Variants in TASP1 observed in about 807,000 individuals in gnomAD.
TASP1 encodes taspase 1, also known as threonine aspartase 1.
TASP1 carries 16 observed loss-of-function variants against 56.6 expected under a neutral mutation model. That is an observed-to-expected ratio of 0.28 (90% confidence interval 0.19 to 0.43). The LOEUF is 0.43. Among genes scored for constraint, TASP1 ranks in the 20% least tolerant of loss-of-function variants. The pLI is 1.00. For missense variants in TASP1, 393 were observed against 511.6 expected (o/e 0.77, Z 2.24); for synonymous variants, 179 against 184.2 (o/e 0.97, Z 0.23).
chr20:13,272,755 C>G, the TASP1 span, among the ~76,000 whole-genome samples: 1 of 152,210 alleles, frequency 6.6e-6, no homozygotes. Flanking sequence ...CAATGGAACC[C>G]TTTGGAATAG....
the TASP1 span, among the ~76,000 whole-genome samples, chr20:13,307,330 A>G: frequency 6.6e-6 from 1 of 152,220 alleles, no homozygotes; most frequent in African/African-American, 2.4e-5. Flanking sequence ...CACACGTATC[A>G]TAAGTTCACG....
the TASP1 span, among the ~76,000 whole-genome samples, chr20:13,378,174 G>C: frequency 7.2e-5 from 11 of 151,958 alleles, no homozygotes; most frequent in African/African-American, 2.7e-4. Context: ...TTAGGGTGTC[G>C]ATTTTAGATC....
At chr20:13,169,166 A>C in the TASP1 span, 28 of 152,288 alleles carry the variant, frequency 1.8e-4, no homozygotes, top group Admixed American at 1.7e-3. Context: ...AGAGATTTGT[A>C]TTTAGGAATT....
chr20:13,281,187 A>G, the TASP1 span, among the ~76,000 whole-genome samples: 79 of 152,350 alleles, frequency 5.2e-4, no homozygotes, highest in South Asian at 0.013. Context: ...TACAAAAATG[A>G]GCAAGGCATA....
At chr20:13,557,786 G>A (rs1419807040) in intron 8 of TASP1, among the ~76,000 whole-genome samples, 1 of 151,424 alleles carries the variant, frequency 6.6e-6, no homozygotes, top group Non-Finnish European at 1.5e-5. Context: ...TGCCCATGAT[G>A]GTCTCAACTC....
At position 13,507,670 on chromosome 20, in the gene TASP1, A is replaced by G. The variant is rs2044181084; in HGVS notation, c.874+20763T>C. On this transcript the variant is annotated intron_variant, in intron 10 of 13. Coordinates refer to ENST00000337743, the MANE Select transcript of TASP1 (RefSeq NM_017714.3). ...CCATACTACCCAAAGTGATCCACAG[A>G]TTGAATGTAATCCTTATCAAAATTT... is the stretch of plus-strand genomic sequence containing the variant. Among the ~76,000 whole-genome samples, 2 of 152,242 alleles carry G rather than the reference A, an allele frequency of 1.3e-5. 1 individual carries two copies. The highest frequency in any genetic ancestry group is 4.1e-4 in the South Asian group (2 of 4,826).
the TASP1 span, among the ~76,000 whole-genome samples, chr20:13,185,472 C>A: frequency 6.6e-6 from 1 of 152,230 alleles, no homozygotes; most frequent in Non-Finnish European, 1.5e-5. Flanking sequence ...CTACCTCTTT[C>A]TCCTAGTTGA....
chr20:13,638,681 G>C (rs752702564), intron 1 of TASP1, among the ~76,000 whole-genome samples: 12 of 152,176 alleles, frequency 7.9e-5, no homozygotes, highest in Non-Finnish European at 1.6e-4. Context: ...GGCTGGGAAG[G>C]GGGACGACGG....
At position 13,415,225 on chromosome 20, in the gene TASP1, T is replaced by C. The variant is rs115144005; in HGVS notation, c.1170+2223A>G. On this transcript the variant is annotated intron_variant, in intron 13 of 13. Coordinates refer to ENST00000337743, the MANE Select transcript of TASP1 (RefSeq NM_017714.3). ...ACTAGTTAGTTCAACTATTCTTTTA[T>C]AGAAGTCAGGAAACCAGAGGGAGAG... Among the ~76,000 whole-genome samples the C allele has an allele frequency of 5.3e-3, 809 of 152,266 alleles. 5 individuals are homozygous for C. The highest frequency in any genetic ancestry group is 0.016 in the African/African-American group (662 of 41,550).
At chr20:13,149,858 A>G in the TASP1 span, among the ~76,000 whole-genome samples, 28 of 152,352 alleles carry the variant, frequency 1.8e-4, no homozygotes, top group Admixed American at 1.1e-3. Context: ...TGATAGATGA[A>G]TCTTTATAGG....
intron 11 of TASP1, among the ~76,000 whole-genome samples, chr20:13,446,806 G>A (rs894138963): frequency 6.6e-6 from 1 of 152,066 alleles, no homozygotes; most frequent in Non-Finnish European, 1.5e-5. Flanking sequence ...TTCTCAATCT[G>A]ACTTTTTAAA....
the TASP1 span, among the ~76,000 whole-genome samples, chr20:13,366,663 C>T: frequency 6.6e-6 from 1 of 152,146 alleles, no homozygotes; most frequent in African/African-American, 2.4e-5. Context: ...ACACAAGTCC[C>T]TGCATAATGT....
intron 10 of TASP1, among the ~76,000 whole-genome samples, chr20:13,515,877 G>T (rs2044509712): frequency 6.6e-6 from 1 of 152,010 alleles, no homozygotes; most frequent in Non-Finnish European, 1.5e-5. Context: ...TCAACACATT[G>T]TACCTCACAG....
At chr20:13,151,587 AT>A in the TASP1 span, among the ~76,000 whole-genome samples, 2 of 152,208 alleles carry the variant, frequency 1.3e-5, no homozygotes, top group Non-Finnish European at 2.9e-5. Flanking sequence ...CAATTGGGGC[AT>A]TTAGCATCCT....
chr20:13,279,984 T>C, the TASP1 span: 2 of 1,311,704 alleles, frequency 1.5e-6, no homozygotes, highest in African/African-American at 2.9e-5. Flanking sequence ...AAAACCCTGC[T>C]TAGAGCATGT....
At chr20:13,143,608 GT>G in the TASP1 span, among the ~76,000 whole-genome samples, 7 of 152,188 alleles carry the variant, frequency 4.6e-5, no homozygotes, top group African/African-American at 1.7e-4. Flanking sequence ...CAAGGCAAAA[GT>G]CTGGGGGGCT....
Position 13,559,069 on chromosome 20 carries a change from A to C in TASP1, c.614T>G (p.Leu205Arg), listed in dbSNP as rs1238266855. Residue 205 changes from leucine to arginine, a missense_variant, in exon 8 of 14, where the codon CTG (leucine) becomes CGG (arginine). Leu to Arg is a moderately radical substitution (Grantham distance 102, BLOSUM62 -2). Transcript: ENST00000337743. ...AAAATCTGTGTCCACCCTTTCTGCC[A>C]GCTCTAGTTTCCTCTTGTTTCTTTT... The part of the protein sequence containing the change: ...AFKRNKRKLE[L>R]AERVDTDFMQ... 6.3e-7 allele frequency: 1 copy of C among 1,593,952 alleles called. No homozygotes were observed. Among genetic ancestry groups the C allele is most frequent in the Admixed American group, 1.7e-5 (1 of 58,392 alleles).
At chr20:13,221,764 G>C in the TASP1 span, 3 of 1,429,826 alleles carry the variant, frequency 2.1e-6, no homozygotes, top group African/African-American at 3.0e-5. Flanking sequence ...CTAAAGCCGC[G>C]CGTCTCAAAA....
At chr20:13,618,370 A>G (rs2147497349) in intron 4 of TASP1, among the ~76,000 whole-genome samples, 1 of 152,244 alleles carries the variant, frequency 6.6e-6, no homozygotes, top group African/African-American at 2.4e-5. Context: ...CCAAGATCAT[A>G]CCACTGCACT....
Sources: gnomAD v4.1 joint callset for allele counts (sites outside exome capture counted in the v4.1 genomes callset) on GRCh38, gnomAD v4.1.1 for gene constraint, MANE v1.5 for transcripts, NCBI Gene and HGNC (gene_info 2026-07-23, HGNC 2026-07-21) for gene names.